TENM1: variants seen among roughly 807,000 people sequenced by gnomAD.
TENM1 encodes teneurin-1.
TENM1 carries 35 observed loss-of-function variants against 174.8 expected under a neutral mutation model. The ratio of observed to expected loss-of-function variants is 0.20; its 90% CI spans 0.15 to 0.27. The LOEUF is 0.27. TENM1 is among the 10% of genes least tolerant of loss of function. The pLI is 1.00. For synonymous variants in TENM1, 781 were observed against 798.7 expected, an observed-to-expected ratio of 0.98 and a Z score of 0.37; for missense variants, 1,633 against 2,130.1, an observed-to-expected ratio of 0.77 and a Z score of 4.59.
At chrX:124,631,918 GTTTT>G (rs758718265) in intron 11 of TENM1, among the ~76,000 whole-genome samples, 1 of 83,165 alleles carries the variant, frequency 1.2e-5, no homozygotes, top group Non-Finnish European at 2.3e-5. Context: ...AATCCATACA[GTTTT>G]TTTTTTTTTT....
intron 22 of TENM1, among the ~76,000 whole-genome samples, chrX:124,453,827 T>C (rs2061071498): frequency 9.0e-6 from 1 of 111,589 alleles, no homozygotes; most frequent in Non-Finnish European, 1.9e-5. Context: ...GGGGAGATCA[T>C]GTATATTACA....
intron 31 of TENM1, 27 bp from the exon 35 acceptor site, chrX:124,381,321 G>A (rs768839607): frequency 8.6e-7 from 1 of 1,162,086 alleles, no homozygotes; most frequent in South Asian, 1.9e-5. Context: ...CAGAGCAGAT[G>A]CAGCATGGAG....
At chrX:125,022,523 A>C in the TENM1 span, among the ~76,000 whole-genome samples, 1 of 111,863 alleles carries the variant, frequency 8.9e-6, no homozygotes, top group Admixed American at 9.5e-5. Flanking sequence ...TAAGTAGCAA[A>C]ATCATTACTG....
chrX:124,473,727 C>T (rs1368479117), intron 22 of TENM1, among the ~76,000 whole-genome samples: 1 of 110,907 alleles, frequency 9.0e-6, no homozygotes. Context: ...CCATTCCCTC[C>T]AGGCCCCCAT....
At chrX:124,947,111 T>A (rs1460884472) in intron 1 of TENM1, among the ~76,000 whole-genome samples, 2 of 111,371 alleles carry the variant, frequency 1.8e-5, no homozygotes, top group African/African-American at 6.5e-5. Flanking sequence ...CCTAGACAGC[T>A]CATCTGGCAA....
chrX:124,858,763 G>A (rs1404855605), intron 3 of TENM1, among the ~76,000 whole-genome samples: 1 of 110,647 alleles, frequency 9.0e-6, no homozygotes, highest in Admixed American at 9.6e-5. Context: ...TATTTCATAC[G>A]ATATCTGAAG....
the TENM1 span, among the ~76,000 whole-genome samples, chrX:125,106,812 G>T: frequency 8.9e-6 from 1 of 112,139 alleles, no homozygotes; most frequent in Non-Finnish European, 1.9e-5. Context: ...GTGATACAAA[G>T]TATCACTGAG....
the TENM1 span, among the ~76,000 whole-genome samples, chrX:125,060,173 TCTCTCTCTCACA>T: frequency 2.4e-5 from 2 of 82,910 alleles, no homozygotes; most frequent in Non-Finnish European, 4.2e-5. Flanking sequence ...TCTCTCTCTC[TCTCTCTCTCACA>T]CACACACACA....
At chrX:124,737,157 G>A in exon 4 of TENM1, 1 of 1,208,947 alleles carries the variant, frequency 8.3e-7, no homozygotes, top group Non-Finnish European at 1.1e-6. Context: ...GCGGTGGGAG[G>A]GGTCTGAAGG....
At chrX:124,390,119 A>G (rs1325549244) in intron 28 of TENM1, among the ~76,000 whole-genome samples, 1 of 112,218 alleles carries the variant, frequency 8.9e-6, no homozygotes, top group Non-Finnish European at 1.9e-5. Context: ...TTTGCTTAGC[A>G]ATTATTGCCA....
intron 4 of TENM1, among the ~76,000 whole-genome samples, chrX:124,730,136 T>C (rs1218606727): frequency 3.6e-5 from 4 of 110,840 alleles, no homozygotes; most frequent in Admixed American, 1.9e-4. Flanking sequence ...TCCCAAAGTG[T>C]TGGGATTACA....
At chrX:125,123,511 AGG>A in the TENM1 span, among the ~76,000 whole-genome samples, 1 of 111,194 alleles carries the variant, frequency 9.0e-6, no homozygotes, top group African/African-American at 3.3e-5. Flanking sequence ...TGGGAGGCTG[AGG>A]TAAGAGGATC....
the TENM1 span, among the ~76,000 whole-genome samples, chrX:124,987,146 G>C: frequency 9.0e-6 from 1 of 111,138 alleles, no homozygotes; most frequent in Non-Finnish European, 1.9e-5. Context: ...ATTTTTGTAT[G>C]CTAAATTGAG....
At chrX:124,603,270 T>C (rs765722324) in intron 11 of TENM1, among the ~76,000 whole-genome samples, 1 of 111,932 alleles carries the variant, frequency 8.9e-6, no homozygotes, top group Non-Finnish European at 1.9e-5. Flanking sequence ...ATACTAAGCA[T>C]GTCATTTAAA....
chrX:124,757,498 C>T (rs2054291429), intron 3 of TENM1, among the ~76,000 whole-genome samples: 1 of 112,616 alleles, frequency 8.9e-6, no homozygotes, highest in African/African-American at 3.2e-5. Context: ...GCACTGCACC[C>T]ACTGTCCTGC....
chrX:124,461,664 C>T (rs1439719221), intron 22 of TENM1, among the ~76,000 whole-genome samples: 1 of 111,591 alleles, frequency 9.0e-6, no homozygotes, highest in Non-Finnish European at 1.9e-5. Context: ...ACAAATATCA[C>T]ATGTTCTCAC....
At chrX:125,040,824 T>C in the TENM1 span, among the ~76,000 whole-genome samples, 1 of 111,540 alleles carries the variant, frequency 9.0e-6, no homozygotes, top group Non-Finnish European at 1.9e-5. Context: ...ATTGATACTA[T>C]TCATCTTTTC....
intron 23 of TENM1, among the ~76,000 whole-genome samples, chrX:124,431,852 C>A (rs2060781966): frequency 8.9e-6 from 1 of 112,152 alleles, no homozygotes. Flanking sequence ...TGAAGAACCT[C>A]TCAACCTTTG....
intron 1 of TENM1, among the ~76,000 whole-genome samples, chrX:124,962,042 A>C (rs2058661985): frequency 1.8e-5 from 2 of 111,688 alleles, no homozygotes; most frequent in African/African-American, 6.5e-5. Flanking sequence ...GGAGAATGGG[A>C]GCATCATTAA....
Sources: gnomAD v4.1 joint callset for allele counts (sites outside exome capture counted in the v4.1 genomes callset) on GRCh38, gnomAD v4.1.1 for gene constraint, MANE v1.5 for transcripts, NCBI Gene and HGNC (gene_info 2026-07-23, HGNC 2026-07-21) for gene names.